SH3PXD2B: variants seen among roughly 807,000 people sequenced by gnomAD.
The protein encoded by SH3PXD2B is SH3 and PX domains 2B.
SH3PXD2B carries 37 observed loss-of-function variants against 73.1 expected under a neutral mutation model. That is an observed-to-expected ratio of 0.51 (90% CI 0.39 to 0.67). The LOEUF is 0.67. Among genes scored for constraint, SH3PXD2B ranks in the 30% least tolerant of loss-of-function variants. The pLI is 0.00. For synonymous variants in SH3PXD2B, 457 were observed against 480.5 expected (o/e 0.95, Z 0.64); for missense variants, 1,053 against 1,197.8 (o/e 0.88, Z 1.78).
At chr5:172,354,448 T>G (rs6882053) in intron 8 of SH3PXD2B, among the ~76,000 whole-genome samples, 93,869 of 151,604 alleles carry the variant, frequency 0.62, 29,322 homozygotes, top group Middle Eastern at 0.71. Context: ...AGGAAGGCAG[T>G]TCTTTGTCTG....
At position 172,335,298 on chromosome 5, in the gene SH3PXD2B, A is replaced by C; in HGVS notation, c.*3071T>G. On this transcript the variant is annotated 3_prime_UTR_variant, in exon 13 of 13. Transcript: ENST00000311601. ...TGCCATTTGGCCTGTGACCTACTGA[A>C]ATGTGTGAGCAAGGGGCGGGGGGAA... The C allele has an allele frequency of 8.7e-7, 1 of 1,154,102 alleles. No individual in the cohort carries two copies. Among genetic ancestry groups the C allele is most frequent in the Non-Finnish European group, 1.1e-6 (1 of 939,554 alleles). 71.5% of individuals were successfully genotyped at this position (1,154,102 alleles called of 1,614,324 possible).
chr5:172,328,984 CAT>C (rs763319853), downstream of SH3PXD2B, among the ~76,000 whole-genome samples: 6 of 147,864 alleles, frequency 4.1e-5, no homozygotes, highest in African/African-American at 5.0e-5. Context: ...GTATTTTGTA[CAT>C]GTTAACATGT....
At chr5:172,376,803 T>C (rs986471310) in intron 5 of SH3PXD2B, among the ~76,000 whole-genome samples, 4 of 152,146 alleles carry the variant, frequency 2.6e-5, no homozygotes, top group African/African-American at 9.7e-5. Context: ...TCCGCATACA[T>C]CCCTTTGAGG....
chr5:172,336,976 T>C lies in SH3PXD2B; in HGVS notation c.*1393A>G, dbSNP rs1057181927. 34 of 985,520 alleles carry C rather than the reference T, an allele frequency of 3.4e-5. No individual in the cohort carries two copies. Among genetic ancestry groups the C allele is most frequent in the Middle Eastern group, 5.2e-4 (1 of 1,916 alleles). 61.0% of individuals were successfully genotyped at this position (985,520 alleles called of 1,614,324 possible). A position where few individuals can be genotyped will look rare whatever the true frequency, so the allele number is the denominator to read the frequency against. ...GGAAGCAGCTCTGCCTGGCCCTTGG[T>C]TACCTGCCTCCCTATGGGACCGCTG... On this transcript the variant is annotated 3_prime_UTR_variant, in exon 13 of 13. Transcript: ENST00000311601.
At chr5:172,407,381 T>C (rs1181065615) in intron 2 of SH3PXD2B, among the ~76,000 whole-genome samples, 3 of 152,306 alleles carry the variant, frequency 2.0e-5, no homozygotes, top group Non-Finnish European at 4.4e-5. Context: ...TCCATGGGGA[T>C]TGGCCACTCT....
chr5:172,335,349 T>C lies in SH3PXD2B; in HGVS notation c.*3020A>G. 8.3e-7 allele frequency: 1 copy of C among 1,208,524 alleles called. No individual in the cohort carries two copies. The highest frequency in any genetic ancestry group is 1.0e-6 in the Non-Finnish European group (1 of 973,968). The allele number at this position is 1,208,524 out of a possible 1,614,324, so 74.9% of individuals were successfully genotyped here. On this transcript the variant is annotated 3_prime_UTR_variant, in exon 13 of 13. Transcript: ENST00000311601. ...GAGGCACCGAAATTCAGAGGGAGGGTCACTTGATTCCCTGGAAGCCCTCCG... is the reference window on the plus strand; with the variant it reads ...GAGGCACCGAAATTCAGAGGGAGGGCCACTTGATTCCCTGGAAGCCCTCCG...
chr5:172,412,441 G>A (rs1042854572), intron 2 of SH3PXD2B, among the ~76,000 whole-genome samples: 21 of 152,272 alleles, frequency 1.4e-4, no homozygotes, highest in African/African-American at 2.9e-4. Context: ...CTGCCATCCC[G>A]GACAGTGCAG....
rs529445413 is a variant in SH3PXD2B, at chr5:172,449,524, T to C, written c.75+4754A>G. Among the ~76,000 whole-genome samples, 29 of 152,192 alleles carry C rather than the reference T, an allele frequency of 1.9e-4. No individual in the cohort carries two copies. In the East Asian group the frequency reaches 2.9e-3, roughly 15 times the overall value. On this transcript the variant is annotated intron_variant, in intron 1 of 12. Coordinates refer to ENST00000311601, the MANE Select transcript of SH3PXD2B (RefSeq NM_001017995.3). Reference sequence around the variant, plus strand: ...AGGATTAGTATCCCAAATGTATAAATAAATCCCGCCAATCAATAAAAGACA... The same window carrying C: ...AGGATTAGTATCCCAAATGTATAAACAAATCCCGCCAATCAATAAAAGACA...
intron 3 of SH3PXD2B, among the ~76,000 whole-genome samples, chr5:172,396,030 C>A (rs532723705): frequency 6.6e-6 from 1 of 151,816 alleles, no homozygotes; most frequent in Non-Finnish European, 1.5e-5. Context: ...AGATCAAGCT[C>A]GGGCAGGCAG....
intron 1 of SH3PXD2B, among the ~76,000 whole-genome samples, chr5:172,434,920 A>G (rs2005408): frequency 0.31 from 47,761 of 151,660 alleles, 8,255 homozygotes; most frequent in Non-Finnish European, 0.41. Flanking sequence ...AGTAGCTGGG[A>G]TTACAGGCAT....
intron 3 of SH3PXD2B, among the ~76,000 whole-genome samples, chr5:172,405,928 A>T (rs2113428606): frequency 1.3e-5 from 2 of 152,334 alleles, no homozygotes; most frequent in East Asian, 3.9e-4. Context: ...GGTCTTCTCA[A>T]AGTCATTCAT....
At chr5:172,403,476 G>C (rs1197715217) in intron 3 of SH3PXD2B, among the ~76,000 whole-genome samples, 2 of 138,274 alleles carry the variant, frequency 1.4e-5, no homozygotes, top group South Asian at 2.3e-4. Flanking sequence ...CGGGGTCCTG[G>C]GGCCCAGCGG....
rs1262636786 is a variant in SH3PXD2B, at chr5:172,366,932, A to ATTTTTT, written c.428-4069_428-4064dup. On this transcript the variant is annotated intron_variant, in intron 6 of 12. Coordinates refer to ENST00000311601, the MANE Select transcript of SH3PXD2B (RefSeq NM_001017995.3). ...TAGGTGTGAGCCATCGTGCCCGGCC[A>ATTTTTT]TTTTTTTTTTTTTTTTTTTTTGGGG... 2.7e-3 allele frequency among the ~76,000 whole-genome samples: 205 copies of ATTTTTT among 75,054 alleles called. 12 individuals carry two copies. The highest frequency in any genetic ancestry group is 0.011 in the Middle Eastern group (1 of 92). The allele number at this position is 75,054 out of a possible 152,430, so 49.2% of individuals were successfully genotyped here.
intron 10 of SH3PXD2B, among the ~76,000 whole-genome samples, chr5:172,348,900 G>C (rs901314371): frequency 1.3e-5 from 2 of 151,666 alleles, no homozygotes; most frequent in African/African-American, 4.8e-5. Context: ...TTTGTAGATA[G>C]GGGGGTCTCA....
chr5:172,354,120 G>T, intron 8 of SH3PXD2B, 115 bp from the exon 9 acceptor site: 1 of 1,025,596 alleles, frequency 9.8e-7, no homozygotes, highest in Non-Finnish European at 1.5e-6. Context: ...AGATTTCTGG[G>T]CACCCCCCCT....
chr5:172,419,545 G>A (rs891349846), intron 2 of SH3PXD2B, among the ~76,000 whole-genome samples: 4 of 152,162 alleles, frequency 2.6e-5, no homozygotes, highest in African/African-American at 9.7e-5. Context: ...TGCTCTTGGG[G>A]GATGTGGGCC....
intron 11 of SH3PXD2B, 39 bp from the exon 12 acceptor site, chr5:172,346,300 T>G (rs1756997820): frequency 6.2e-7 from 1 of 1,612,244 alleles, no homozygotes; most frequent in Non-Finnish European, 8.5e-7. Flanking sequence ...CAAGGCTAAG[T>G]GCACTCCTGC....
At chr5:172,442,286 G>T (rs911862733) in intron 1 of SH3PXD2B, among the ~76,000 whole-genome samples, 12 of 151,920 alleles carry the variant, frequency 7.9e-5, no homozygotes, top group Admixed American at 5.9e-4. Flanking sequence ...TGATGCTTTG[G>T]GCATGCTTCT....
At position 172,349,118 on chromosome 5, in the gene SH3PXD2B, T is replaced by A. The variant is rs149737893; in HGVS notation, c.1012+1245A>T. 1.7e-4 allele frequency among the ~76,000 whole-genome samples: 26 copies of A among 152,348 alleles called. No individual in the cohort carries two copies. The East Asian group carries it at 2.5e-3, about 15-fold the overall frequency. The stretch of plus-strand genomic sequence containing the variant: ...CTTGGCCATGATTGACAGATTAGAA[T>A]CACACAAACTCGGGGATGGCCAGAA... On this transcript the variant is annotated intron_variant, in intron 10 of 12. Coordinates refer to ENST00000311601, the MANE Select transcript of SH3PXD2B (RefSeq NM_001017995.3).
Sources: allele counts gnomAD v4.1 joint callset (sites outside exome capture counted in the v4.1 genomes callset), GRCh38; gene constraint gnomAD v4.1.1; transcripts MANE v1.5; gene names NCBI Gene and HGNC (gene_info 2026-07-23, HGNC 2026-07-21).